Variants in ATG7 observed in about 807,000 individuals in gnomAD.
ATG7 encodes ubiquitin-like modifier-activating enzyme ATG7.
Under a neutral mutation model 82.4 loss-of-function variants are expected in ATG7, and 70 were observed. The observed-to-expected ratio is 0.85, with a 90% confidence interval of 0.70 to 1.04. The LOEUF is 1.04. ATG7 is among the 50% of genes least tolerant of loss of function. ATG7 has a pLI of 0.00. For missense variants in ATG7, 792 were observed against 864.3 expected (o/e 0.92, Z 1.05); for synonymous variants, 287 against 313.0 (o/e 0.92, Z 0.88).
At chr3:11,443,359 C>T (rs1271502412) in intron 20 of ATG7, among the ~76,000 whole-genome samples, 1 of 152,128 alleles carries the variant, frequency 6.6e-6, no homozygotes, top group Non-Finnish European at 1.5e-5. Context: ...AATGAAAGCA[C>T]CATGCATGTT....
chr3:11,467,244 T>G (rs1287157748), intron 20 of ATG7, among the ~76,000 whole-genome samples: 2 of 152,228 alleles, frequency 1.3e-5, no homozygotes, highest in Non-Finnish European at 2.9e-5. Flanking sequence ...GTAACAACTC[T>G]GGAGTCAGAC....
intron 10 of ATG7, 170 bp from the exon 11 acceptor site, chr3:11,332,802 T>C (rs1951841817): frequency 1.8e-6 from 1 of 557,800 alleles, no homozygotes; most frequent in East Asian, 3.6e-5. Flanking sequence ...AGGAGCCATA[T>C]ATGAATATGT....
chr3:11,484,297 G>A (rs12634403), intron 20 of ATG7, among the ~76,000 whole-genome samples: 1 of 152,146 alleles, frequency 6.6e-6, no homozygotes, highest in Non-Finnish European at 1.5e-5. Flanking sequence ...AGGAGGCTGA[G>A]GCAGGAGAAT....
At chr3:11,451,868 C>T (rs1486698810) in intron 20 of ATG7, among the ~76,000 whole-genome samples, 2 of 145,636 alleles carry the variant, frequency 1.4e-5, no homozygotes, top group Admixed American at 7.1e-5. Flanking sequence ...TACGCCTTTA[C>T]ATACACACAC....
chr3:11,347,724 C>T (rs747737500), intron 13 of ATG7, among the ~76,000 whole-genome samples, 153 bp from the exon 14 acceptor site: 23 of 152,296 alleles, frequency 1.5e-4, no homozygotes, highest in African/African-American at 4.6e-4. Flanking sequence ...TTCTGTTTAT[C>T]GTAACCTGAA....
At position 11,326,285 on chromosome 3, in the gene ATG7, T is replaced by TG. The variant is rs151107232; in HGVS notation, c.679-5054dup. ...TTACACTTGATAGAGTTGTAAATGC[T>TG]GTTTTTTTTTTGTTGTTGTTGTTTT... On this transcript the variant is annotated intron_variant, in intron 9 of 20. Transcript: ENST00000693202. 2.2e-3 allele frequency among the ~76,000 whole-genome samples: 220 copies of TG among 99,780 alleles called. 2 individuals carry two copies. The East Asian group carries it at 0.061, about 28-fold the overall frequency. The allele number at this position is 99,780 out of a possible 152,430, so 65.5% of individuals were successfully genotyped here.
chr3:11,280,648 A>G (rs999700797), intron 1 of ATG7, among the ~76,000 whole-genome samples: 10 of 152,196 alleles, frequency 6.6e-5, no homozygotes, highest in African/African-American at 2.4e-4. Context: ...AATTTTAGTC[A>G]CTTGTATTGC....
chr3:11,537,598 G>C (rs2070430441), intron 20 of ATG7, among the ~76,000 whole-genome samples: 1 of 152,166 alleles, frequency 6.6e-6, no homozygotes, highest in South Asian at 2.1e-4. Context: ...CAATGAGAGT[G>C]ATTATAAAAC....
chr3:11,488,718 T>C (rs2090034703), intron 20 of ATG7, among the ~76,000 whole-genome samples: 1 of 152,334 alleles, frequency 6.6e-6, no homozygotes, highest in South Asian at 2.1e-4. Context: ...TTGATTTGCA[T>C]ATATTGAACC....
At chr3:11,285,680 G>T (rs1943878922) in intron 3 of ATG7, among the ~76,000 whole-genome samples, 1 of 152,080 alleles carries the variant, frequency 6.6e-6, no homozygotes, top group Non-Finnish European at 1.5e-5. Flanking sequence ...ACTTCTGTCA[G>T]GTTGATTGGT....
intron 20 of ATG7, among the ~76,000 whole-genome samples, chr3:11,527,041 ATGTGTGTG>A (rs370131709): frequency 0.13 from 17,922 of 138,062 alleles, 1,503 homozygotes; most frequent in Middle Eastern, 0.22. Flanking sequence ...GTGTGTATAT[ATGTGTGTG>A]TGTGTGTGTG....
chr3:11,313,155 G>A (rs1289561426), intron 7 of ATG7, 149 bp from the exon 8 acceptor site: 2 of 491,160 alleles, frequency 4.1e-6, no homozygotes, highest in African/African-American at 2.0e-5. Flanking sequence ...CATGAGTTCT[G>A]TTGGGGATGA....
chr3:11,574,391 G>A, the ATG7 span, among the ~76,000 whole-genome samples: 1 of 152,066 alleles, frequency 6.6e-6, no homozygotes, highest in South Asian at 2.1e-4. Context: ...GGCACTGCAC[G>A]AGCACCGCAC....
rs563673002 is a variant in ATG7, at chr3:11,300,073, C to T, written c.215+657C>T. On this transcript the variant is annotated intron_variant, in intron 5 of 20. Transcript: ENST00000693202. ...CCAAGTAGCTGGGACTACAAGCTCA[C>T]GCCATCATGCCTGGCTAATTTTTGT... Among the ~76,000 whole-genome samples the T allele has an allele frequency of 1.3e-4, 20 of 152,102 alleles. No individual in the cohort carries two copies. In the South Asian group the frequency reaches 3.5e-3, roughly 27 times the overall value.
chr3:11,485,378 C>T lies in ATG7; in HGVS notation c.2079+58452C>T, dbSNP rs1032203460. On this transcript the variant is annotated intron_variant, in intron 20 of 20. Coordinates refer to ENST00000693202, the MANE Select transcript of ATG7 (RefSeq NM_001349232.2). Reference sequence around the variant, plus strand: ...CTGTTCATATTCTTCGCCCACTTTTCGATGGGGTTGTTTGTTTTTTTCTTG... The same window carrying T: ...CTGTTCATATTCTTCGCCCACTTTTTGATGGGGTTGTTTGTTTTTTTCTTG... 1.3e-3 allele frequency among the ~76,000 whole-genome samples: 192 copies of T among 152,162 alleles called. 2 individuals carry two copies. Among genetic ancestry groups the T allele is most frequent in the African/African-American group, 4.0e-3 (165 of 41,520 alleles).
chr3:11,515,822 C>T (rs549289739), intron 20 of ATG7, among the ~76,000 whole-genome samples: 1 of 152,178 alleles, frequency 6.6e-6, no homozygotes, highest in South Asian at 2.1e-4. Context: ...AATGAATTCT[C>T]TTGCTGGGCT....
chr3:11,278,017 C>T (rs985077055), intron 1 of ATG7, among the ~76,000 whole-genome samples: 1 of 150,908 alleles, frequency 6.6e-6, no homozygotes, highest in Non-Finnish European at 1.5e-5. Flanking sequence ...TCTGCAAGAA[C>T]AAAAATATGG....
chr3:11,397,796 G>C (rs1166793357), intron 19 of ATG7, among the ~76,000 whole-genome samples: 4 of 143,922 alleles, frequency 2.8e-5, no homozygotes, highest in South Asian at 2.4e-4. Flanking sequence ...AAATTTTAAT[G>C]AATCGGCTGG....
intron 4 of ATG7, 105 bp downstream of exon 4, chr3:11,298,960 T>A: frequency 8.2e-7 from 1 of 1,223,050 alleles, no homozygotes; most frequent in South Asian, 1.5e-5. Flanking sequence ...TCTTTTATAA[T>A]CAGTGCTCTT....
Sources: gnomAD v4.1 joint callset for allele counts (sites outside exome capture counted in the v4.1 genomes callset) on GRCh38, gnomAD v4.1.1 for gene constraint, MANE v1.5 for transcripts, NCBI Gene and HGNC (gene_info 2026-07-23, HGNC 2026-07-21) for gene names.